The following HPSE2 variants were observed in gnomAD, a reference collection of about 807,000 sequenced individuals.
HPSE2 encodes inactive heparanase-2.
In HPSE2, 38 loss-of-function variants were observed where a neutral mutation model predicts 60.5. That is an observed-to-expected ratio of 0.63 (90% CI 0.48 to 0.82). The LOEUF (loss-of-function observed/expected upper bound fraction) is 0.82. Ranked by LOEUF, HPSE2 falls within the 40% of genes least tolerant of loss-of-function variation. The pLI is 0.00. For missense variants in HPSE2, 713 were observed against 740.4 expected, an observed-to-expected ratio of 0.96 and a Z score of 0.43; for synonymous variants, 295 against 293.2, an observed-to-expected ratio of 1.01 and a Z score of -0.06.
At chr10:98,994,332 G>C (rs994612983) in intron 3 of HPSE2, among the ~76,000 whole-genome samples, 2 of 152,054 alleles carry the variant, frequency 1.3e-5, no homozygotes, top group Non-Finnish European at 2.9e-5. Context: ...ATATATAGGA[G>C]AGCCTAGCTT....
intron 9 of HPSE2, among the ~76,000 whole-genome samples, chr10:98,511,966 T>A (rs188295427): frequency 2.0e-4 from 30 of 152,346 alleles, no homozygotes; most frequent in African/African-American, 7.2e-4. Context: ...TGTAAAAACC[T>A]AATTAATTCT....
chr10:98,986,570 A>C (rs903320330), intron 3 of HPSE2, among the ~76,000 whole-genome samples: 7 of 151,302 alleles, frequency 4.6e-5, no homozygotes, highest in African/African-American at 7.3e-5. Context: ...CCCTAACATC[A>C]CAATTAAAAG....
chr10:99,107,038 T>C (rs985870533), intron 3 of HPSE2, among the ~76,000 whole-genome samples: 1 of 152,058 alleles, frequency 6.6e-6, no homozygotes, highest in Admixed American at 6.6e-5. Context: ...GCCTGGTTAA[T>C]TTTTGTATTT....
chr10:98,808,445 G>A (rs917658144), intron 3 of HPSE2, among the ~76,000 whole-genome samples: 1 of 152,144 alleles, frequency 6.6e-6, no homozygotes, highest in Non-Finnish European at 1.5e-5. Context: ...AATAGCTCAT[G>A]GAGTCAATAA....
intron 10 of HPSE2, 96 bp from the exon 11 acceptor site, chr10:98,482,878 C>T (rs1028802197): frequency 3.0e-6 from 4 of 1,353,208 alleles, no homozygotes; most frequent in Non-Finnish European, 4.2e-6. Flanking sequence ...TATGAACAGC[C>T]CTGAAAATGG....
intron 4 of HPSE2, among the ~76,000 whole-genome samples, chr10:98,740,102 A>C (rs1212501897): frequency 6.6e-6 from 1 of 152,158 alleles, no homozygotes; most frequent in Non-Finnish European, 1.5e-5. Context: ...GTTATATCCA[A>C]AGAAAGTAAT....
At chr10:98,676,362 G>C (rs936140091) in intron 6 of HPSE2, among the ~76,000 whole-genome samples, 5 of 152,154 alleles carry the variant, frequency 3.3e-5, no homozygotes, top group African/African-American at 1.2e-4. Context: ...CCAGAAAGAT[G>C]CAACTTTGTT....
chr10:98,697,096 C>T (rs764112914), intron 5 of HPSE2, among the ~76,000 whole-genome samples: 1 of 152,172 alleles, frequency 6.6e-6, no homozygotes, highest in Non-Finnish European at 1.5e-5. Context: ...GCCTCTTCTC[C>T]TCTAAATGAT....
chr10:98,899,467 T>C (rs964140769), intron 3 of HPSE2, among the ~76,000 whole-genome samples: 5 of 152,018 alleles, frequency 3.3e-5, no homozygotes, highest in Non-Finnish European at 7.4e-5. Flanking sequence ...AACTCAATAA[T>C]ATGAAAACAA....
intron 9 of HPSE2, among the ~76,000 whole-genome samples, chr10:98,575,123 G>T (rs569553874): frequency 6.6e-6 from 1 of 151,472 alleles, no homozygotes; most frequent in African/African-American, 2.4e-5. Context: ...AAAGGAAAAG[G>T]CGTCATATAG....
At chr10:98,724,573 G>A (rs4536141) in intron 4 of HPSE2, among the ~76,000 whole-genome samples, 5,755 of 152,190 alleles carry the variant, frequency 0.038, 242 homozygotes, top group East Asian at 0.17. Flanking sequence ...GGTTGTTAAA[G>A]TCTCCCATTA....
At chr10:99,124,092 G>C (rs1335421301) in intron 3 of HPSE2, among the ~76,000 whole-genome samples, 1 of 152,116 alleles carries the variant, frequency 6.6e-6, no homozygotes, top group Non-Finnish European at 1.5e-5. Context: ...GCAAAGTTGA[G>C]GCTGCGCCTG....
intron 3 of HPSE2, among the ~76,000 whole-genome samples, chr10:98,960,875 A>T (rs906959033): frequency 2.2e-5 from 3 of 135,536 alleles, no homozygotes; most frequent in Non-Finnish European, 4.8e-5. Context: ...ATATCTCCCA[A>T]TGCTATCCCT....
intron 3 of HPSE2, among the ~76,000 whole-genome samples, chr10:98,952,332 G>A (rs1422338169): frequency 6.6e-6 from 1 of 151,266 alleles, no homozygotes; most frequent in East Asian, 2.0e-4. Context: ...GTGTGTGTGT[G>A]TGTGTGTGTG....
chr10:99,105,983 A>T (rs187078790), intron 3 of HPSE2, among the ~76,000 whole-genome samples: 30 of 152,302 alleles, frequency 2.0e-4, no homozygotes, highest in African/African-American at 6.0e-4. Context: ...TCTTTATACA[A>T]ATACCACACT....
intron 9 of HPSE2, 36 bp from the exon 10 acceptor site, chr10:98,490,232 A>G: frequency 6.2e-7 from 1 of 1,608,594 alleles, no homozygotes; most frequent in Non-Finnish European, 8.5e-7. Flanking sequence ...TCAGCGAGAG[A>G]ACACATGCTC....
chr10:99,231,453 G>C (rs1255866193), intron 2 of HPSE2, among the ~76,000 whole-genome samples: 1 of 152,020 alleles, frequency 6.6e-6, no homozygotes, highest in Non-Finnish European at 1.5e-5. Flanking sequence ...ACCCTCCATC[G>C]TGCCTCTTTG....
At chr10:99,244,022 A>C in the HPSE2 span, among the ~76,000 whole-genome samples, 1 of 152,048 alleles carries the variant, frequency 6.6e-6, no homozygotes, top group Non-Finnish European at 1.5e-5. Context: ...GTGTTTGTCA[A>C]CTCCAAAAAA....
intron 6 of HPSE2, among the ~76,000 whole-genome samples, chr10:98,687,358 T>A (rs748321982): frequency 2.6e-5 from 4 of 152,210 alleles, no homozygotes; most frequent in Non-Finnish European, 5.9e-5. Context: ...CCAGCAATTG[T>A]AGGTCAAGTC....
Sources: gnomAD v4.1 joint callset for allele counts (sites outside exome capture counted in the v4.1 genomes callset) on GRCh38, gnomAD v4.1.1 for gene constraint, MANE v1.5 for transcripts, NCBI Gene and HGNC (gene_info 2026-07-23, HGNC 2026-07-21) for gene names.